Variants in KRT2 observed in about 807,000 individuals in gnomAD.
The protein encoded by KRT2 is keratin, type II cytoskeletal 2 epidermal.
In KRT2, 37 loss-of-function variants were observed where a neutral mutation model predicts 48.5. The observed-to-expected ratio is 0.76, with a 90% CI of 0.59 to 1.00. The LOEUF (loss-of-function observed/expected upper bound fraction) is 1.00. KRT2 is among the 50% of genes least tolerant of loss of function. The pLI, the probability that KRT2 is intolerant of heterozygous loss-of-function variation, is 0.00. For missense variants in KRT2, 880 were observed against 815.2 expected, an observed-to-expected ratio of 1.08 and a Z score of -0.97; for synonymous variants, 324 against 312.2, an observed-to-expected ratio of 1.04 and a Z score of -0.40.
At position 52,645,086 on chromosome 12, in the gene KRT2, C is replaced by T. The variant is rs764751614; in HGVS notation, c.1853G>A (p.Gly618Asp). 8 of 1,614,016 alleles carry T rather than the reference C, an allele frequency of 5.0e-6. No homozygotes were observed. Among genetic ancestry groups the T allele is most frequent in the Non-Finnish European group, 6.8e-6 (8 of 1,179,986 alleles). ...TGAGCTACCCTTTACAGAGCTAGAA[C>T]CCCCACCTCCAGAGCCATATCCTCC... ...SGGGYGSGGGGSSSVKGSSGE... is the reference protein window; with the variant it reads ...SGGGYGSGGGDSSSVKGSSGE... The change falls in exon 9 of 9, where the codon GGT (glycine) becomes GAT (aspartate). Residue 618 changes from glycine (G) to aspartate (D), a missense_variant. Gly to Asp is a moderately conservative substitution (Grantham distance 94). Transcript: ENST00000309680.
chr12:52,651,326 T>C (rs1446061951), intron 1 of KRT2, among the ~76,000 whole-genome samples: 3 of 152,202 alleles, frequency 2.0e-5, no homozygotes, highest in African/African-American at 7.2e-5. Flanking sequence ...ATATTATTTA[T>C]ATGGACTGTA....
Position 52,646,833 on chromosome 12 carries a change from AGCCGC to A in KRT2, c.1371_1375del (p.Arg458AlafsTer3). The A allele has an allele frequency of 4.3e-6, 7 of 1,614,176 alleles. No homozygotes were observed. Among genetic ancestry groups the A allele is most frequent in the Non-Finnish European group, 5.9e-6 (7 of 1,180,024 alleles). On this transcript the variant is annotated frameshift_variant, in exon 7 of 9. Coordinates refer to ENST00000309680, the MANE Select transcript of KRT2 (RefSeq NM_000423.3). LOFTEE classifies it high-confidence loss of function. ...CATCAGCTCCTGGTAGTCACGCAGC[AGCCGC>A]GCCAAGTCCTCCTTGGCCTGCTGCA...
At chr12:52,647,059 TG>T (rs1193438194) in intron 6 of KRT2, 99 bp from the exon 7 acceptor site, 1 of 1,071,154 alleles carries the variant, frequency 9.3e-7, no homozygotes, top group Non-Finnish European at 1.4e-6. Context: ...GCCCTGGGAG[TG>T]TTAGGTCCCC....
At position 52,645,661 on chromosome 12, in the gene KRT2, TAGCCTCTCTAAGC is replaced by T. The variant is rs1941153453; in HGVS notation, c.1470-105_1470-93del. The T allele has an allele frequency of 2.2e-4, 292 of 1,347,058 alleles. 3 individuals carry two copies. In the South Asian group the frequency reaches 3.4e-3, roughly 16 times the overall value. 83.4% of individuals were successfully genotyped at this position (1,347,058 alleles called of 1,614,324 possible). ...CACTTCCACCCGCAAATGTGCAGTTTAGCCTCTCTAAGCAGCCACCAGGGCTTACACACCCCAC... is the reference window on the plus strand; with the variant it reads ...CACTTCCACCCGCAAATGTGCAGTTTAGCCACCAGGGCTTACACACCCCAC... On this transcript the variant is annotated intron_variant, in intron 7 of 8. Transcript: ENST00000309680.
rs1161467484 is a variant in KRT2, at chr12:52,646,977, GA to G, written c.1249-18del. On this transcript the variant is annotated intron_variant, in intron 6 of 8. Coordinates refer to ENST00000309680, the MANE Select transcript of KRT2 (RefSeq NM_000423.3). ...ATTCTTACACTATGACAGAAGGACA[GA>G]GAATGGATTCTGCCTGACGGAGGCG... 4 of 1,609,932 alleles carry G rather than the reference GA, an allele frequency of 2.5e-6. No homozygotes were observed. The Admixed American group carries it at 6.7e-5, about 27-fold the overall frequency.
chr12:52,645,382 T>C lies in KRT2; in HGVS notation c.1557A>G (p.Gly519=), dbSNP rs766921805. The change falls in exon 9 of 9, where the codon GGA becomes GGG. Residue 519 remains glycine (G), a synonymous_variant. Transcript: ENST00000309680. Reference sequence around the variant, plus strand: ...AACTGGACCCTCTACCTCCAGAACCTCCAAAGGCAGCCTTGGATGCCACAT... The same window carrying C: ...AACTGGACCCTCTACCTCCAGAACCCCCAAAGGCAGCCTTGGATGCCACAT... ...SSNVASKAAF[G]GSGGRGSSSG... 4 of 1,613,986 alleles carry C rather than the reference T, an allele frequency of 2.5e-6. No individual in the cohort carries two copies. The highest frequency in any genetic ancestry group is 3.4e-6 in the Non-Finnish European group (4 of 1,180,010).
chr12:52,645,489 A>G, intron 8 of KRT2, 46 bp downstream of exon 8: 1 of 1,613,966 alleles, frequency 6.2e-7, no homozygotes, highest in East Asian at 2.2e-5. Flanking sequence ...CCCTGCCTCC[A>G]CCTGACACAA....
Position 52,647,109 on chromosome 12 carries a change from C to T in KRT2, c.1249-149G>A, listed in dbSNP as rs115736484. 581 of 738,280 alleles carry T rather than the reference C, an allele frequency of 7.9e-4. 6 individuals carry two copies. In the African/African-American group the frequency reaches 8.9e-3, roughly 11 times the overall value. The allele number at this position is 738,280 out of a possible 1,614,324, so 45.7% of individuals were successfully genotyped here. ...CGCAAACAACTGTGCTAAGACTTGC[C>T]GCTGTCTCTGGCACATCTTCTTCCC... On this transcript the variant is annotated intron_variant, in intron 6 of 8. Transcript: ENST00000309680.
chr12:52,649,336 T>G (rs566001409), intron 3 of KRT2, among the ~76,000 whole-genome samples: 27 of 152,338 alleles, frequency 1.8e-4, no homozygotes, highest in African/African-American at 6.5e-4. Flanking sequence ...AGCCTCGAGA[T>G]GACCAAGCTT....
intron 3 of KRT2, among the ~76,000 whole-genome samples, 179 bp from the exon 4 acceptor site, chr12:52,649,281 G>T (rs1223635680): frequency 6.6e-6 from 1 of 152,154 alleles, no homozygotes; most frequent in Non-Finnish European, 1.5e-5. Context: ...CTCTGCCAGG[G>T]ACTTCATGCC....
chr12:52,647,582 G>C (rs1941186201), intron 6 of KRT2, 148 bp downstream of exon 6: 1 of 894,310 alleles, frequency 1.1e-6, no homozygotes, highest in African/African-American at 1.6e-5. Flanking sequence ...CATAAATTAT[G>C]TTAAGCTGGG....
At chr12:52,651,441 G>A in intron 1 of KRT2, 117 bp downstream of exon 1, 2 of 838,514 alleles carry the variant, frequency 2.4e-6, no homozygotes, top group Non-Finnish European at 2.0e-6. Context: ...AATGACCCAG[G>A]CTACTGCGGT....
intron 6 of KRT2, 38 bp downstream of exon 6, chr12:52,647,692 C>T (rs1177716255): frequency 6.2e-7 from 1 of 1,611,092 alleles, no homozygotes; most frequent in South Asian, 1.1e-5. Flanking sequence ...CACCCAGAGA[C>T]AACCTCCCGC....
At chr12:52,646,413 G>C (rs1941162061) in intron 7 of KRT2, among the ~76,000 whole-genome samples, 1 of 152,146 alleles carries the variant, frequency 6.6e-6, no homozygotes, top group African/African-American at 2.4e-5. Context: ...TCACCCTATG[G>C]ACCTAGAGAC....
At chr12:52,646,092 A>T (rs1444713387) in intron 7 of KRT2, among the ~76,000 whole-genome samples, 1 of 152,078 alleles carries the variant, frequency 6.6e-6, no homozygotes, top group East Asian at 1.9e-4. Flanking sequence ...GGACAGAGCA[A>T]CCTCCTGAAG....
In KRT2 at chr12:52,644,957, C is replaced by T. The variant is rs944195428; in HGVS notation, c.*62G>A. The T allele has an allele frequency of 4.4e-6, 7 of 1,580,436 alleles. No homozygotes were observed. In the Admixed American group the frequency reaches 8.4e-5, roughly 19 times the overall value. On this transcript the variant is annotated 3_prime_UTR_variant, in exon 9 of 9. Coordinates refer to ENST00000309680, the MANE Select transcript of KRT2 (RefSeq NM_000423.3). ...TGCCAGTTAGAGGTACAGAGACAGGCTTCTACATTCTGGAGTGGGAGAGTC... is the reference window on the plus strand; with the variant it reads ...TGCCAGTTAGAGGTACAGAGACAGGTTTCTACATTCTGGAGTGGGAGAGTC...
At position 52,646,836 on chromosome 12, in the gene KRT2, C is replaced by T. The variant is rs755662199; in HGVS notation, c.1373G>A (p.Arg458Gln). The T allele has an allele frequency of 6.8e-6, 11 of 1,614,026 alleles. No homozygotes were observed. The highest frequency in any genetic ancestry group is 2.2e-5 in the East Asian group (1 of 44,892). Reference sequence around the variant, plus strand: ...CAGCTCCTGGTAGTCACGCAGCAGCCGCGCCAAGTCCTCCTTGGCCTGCTG... The same window carrying T: ...CAGCTCCTGGTAGTCACGCAGCAGCTGCGCCAAGTCCTCCTTGGCCTGCTG... Reference protein sequence around the residue: ...ALQQAKEDLARLLRDYQELMN... With the variant: ...ALQQAKEDLAQLLRDYQELMN... Residue 458 changes from arginine (R) to glutamine (Q), a missense_variant, in exon 7 of 9, where the codon CGG becomes CAG. Coordinates refer to ENST00000309680, the MANE Select transcript of KRT2 (RefSeq NM_000423.3).
In KRT2 at chr12:52,651,857, A is replaced by G; in HGVS notation, c.286T>C (p.Phe96Leu). ...CCTCCAAAGCTGCTGCCGCCTCCAAAACCACCTCCTCTGCCACCAAATCCA... is the reference window on the plus strand; with the variant it reads ...CCTCCAAAGCTGCTGCCGCCTCCAAGACCACCTCCTCTGCCACCAAATCCA... ...AGGFGGRGGG[F>L]GGGSSFGGGS... is the part of the protein sequence containing the mutation. Residue 96 changes from phenylalanine (F) to leucine (L), a missense_variant, in exon 1 of 9, where the codon TTT becomes CTT. By Grantham distance (22) the Phe-to-Leu change is conservative. Coordinates refer to ENST00000309680, the MANE Select transcript of KRT2 (RefSeq NM_000423.3). 1.2e-6 allele frequency: 2 copies of G among 1,604,604 alleles called. No homozygotes were observed. The highest frequency in any genetic ancestry group is 1.7e-6 in the Non-Finnish European group (2 of 1,174,894).
intron 1 of KRT2, 131 bp from the exon 2 acceptor site, chr12:52,650,684 GA>G: frequency 1.3e-6 from 1 of 760,502 alleles, no homozygotes. Flanking sequence ...GCCGAGTCAT[GA>G]CTGGCAGAGC....
Sources: gnomAD v4.1 joint callset for allele counts (sites outside exome capture counted in the v4.1 genomes callset) on GRCh38, gnomAD v4.1.1 for gene constraint, MANE v1.5 for transcripts, NCBI Gene and HGNC (gene_info 2026-07-23, HGNC 2026-07-21) for gene names.